Variants in DOCK2 observed in about 807,000 individuals in gnomAD.
DOCK2 encodes the protein dedicator of cytokinesis protein 2.
Under a neutral mutation model 248.9 loss-of-function variants are expected in DOCK2, and 87 were observed. The observed-to-expected ratio is 0.35, with a 90% CI of 0.29 to 0.42. The LOEUF (loss-of-function observed/expected upper bound fraction) is 0.42, where lower values mean the gene tolerates loss of function less well. Among genes scored for constraint, DOCK2 ranks in the 10% least tolerant of loss-of-function variants. The pLI is 1.00. For synonymous variants in DOCK2, 805 were observed against 821.6 expected (o/e 0.98, Z 0.35); for missense variants, 1,747 against 2,300.2 (o/e 0.76, Z 4.92).
intron 25 of DOCK2, among the ~76,000 whole-genome samples, chr5:169,761,836 A>G (rs1581153796): frequency 6.6e-6 from 1 of 152,194 alleles, no homozygotes; most frequent in East Asian, 1.9e-4. Flanking sequence ...CTGAGGTTGC[A>G]TTGTTTATTT....
At chr5:169,748,971 C>T (rs264885) in intron 23 of DOCK2, among the ~76,000 whole-genome samples, 49,062 of 152,094 alleles carry the variant, frequency 0.32, 11,408 homozygotes, top group African/African-American at 0.64. Flanking sequence ...AGGCTACATG[C>T]CCACATCTCT....
chr5:169,904,396 A>G lies in DOCK2; in HGVS notation c.2799+63544A>G, dbSNP rs74883797. On this transcript the variant is annotated intron_variant, in intron 27 of 51. Coordinates refer to ENST00000520908, the MANE Select transcript of DOCK2 (RefSeq NM_004946.3). ...GCAACTTGTTCTCTCTAAATCACCT[A>G]CCTGTCTATGGAATTTCTACCAGTG... is the stretch of plus-strand genomic sequence containing the variant. Among the ~76,000 whole-genome samples the G allele has an allele frequency of 5.0e-4, 76 of 152,218 alleles. 1 individual carries two copies. The East Asian group carries it at 0.015, about 29-fold the overall frequency.
At chr5:169,643,782 A>G (rs1757290248) in intron 1 of DOCK2, among the ~76,000 whole-genome samples, 1 of 152,222 alleles carries the variant, frequency 6.6e-6, no homozygotes, top group African/African-American at 2.4e-5. Context: ...ATAGGTGGAC[A>G]GTATGACGTG....
intron 27 of DOCK2, among the ~76,000 whole-genome samples, chr5:169,850,578 A>G (rs1770570311): frequency 6.6e-6 from 1 of 152,186 alleles, no homozygotes; most frequent in African/African-American, 2.4e-5. Context: ...ACTTGAAATG[A>G]CAGTTTGTAG....
At chr5:169,942,873 G>T (rs1776297319) in intron 27 of DOCK2, among the ~76,000 whole-genome samples, 1 of 152,194 alleles carries the variant, frequency 6.6e-6, no homozygotes, top group South Asian at 2.1e-4. Context: ...GCTCGCCTCT[G>T]AACTCAGATT....
At chr5:169,837,079 C>T (rs1168275736) in intron 26 of DOCK2, among the ~76,000 whole-genome samples, 1 of 152,136 alleles carries the variant, frequency 6.6e-6, no homozygotes, top group Non-Finnish European at 1.5e-5. Context: ...CCACTCCCAG[C>T]TCACCTTCTG....
chr5:169,653,014 G>A (rs1581387611), intron 1 of DOCK2, among the ~76,000 whole-genome samples: 1 of 152,202 alleles, frequency 6.6e-6, no homozygotes, highest in East Asian at 1.9e-4. Context: ...AAGAGCATGG[G>A]CCTGTACTCC....
intron 27 of DOCK2, among the ~76,000 whole-genome samples, chr5:169,926,632 T>C (rs1462499935): frequency 6.6e-6 from 1 of 152,180 alleles, no homozygotes; most frequent in African/African-American, 2.4e-5. Context: ...TGCATTAGAA[T>C]GCATTATGCC....
intron 25 of DOCK2, among the ~76,000 whole-genome samples, chr5:169,773,423 A>C (rs535795949): frequency 2.0e-5 from 3 of 151,000 alleles, no homozygotes; most frequent in African/African-American, 7.3e-5. Flanking sequence ...CTTTAATAGC[A>C]ATGTAAATAA....
intron 26 of DOCK2, among the ~76,000 whole-genome samples, chr5:169,827,868 A>G (rs1228233228): frequency 2.4e-5 from 2 of 84,860 alleles, no homozygotes; most frequent in Non-Finnish European, 4.4e-5. Flanking sequence ...AACATTAAAA[A>G]CACACACACA....
chr5:169,882,773 T>A (rs1772732667), intron 27 of DOCK2: 1 of 1,551,744 alleles, frequency 6.4e-7, no homozygotes, highest in Non-Finnish European at 8.7e-7. Flanking sequence ...AGATGATTAC[T>A]TCCTGGACAA....
rs146431338 is a variant in DOCK2 at position 169,942,725 on chromosome 5, T to C, written c.2800-40343T>C. ...AGGACACAGCTCCTGCCCTCCACAT[T>C]GGTCGGAGAGACCACGAGGGTTCAG... On this transcript the variant is annotated intron_variant, in intron 27 of 51. Coordinates refer to ENST00000520908, the MANE Select transcript of DOCK2 (RefSeq NM_004946.3). 3.5e-3 allele frequency among the ~76,000 whole-genome samples: 530 copies of C among 152,216 alleles called. 5 individuals carry two copies. The South Asian group carries it at 0.043, about 12-fold the overall frequency.
At chr5:169,700,564 T>C (rs1390673876) in intron 13 of DOCK2, among the ~76,000 whole-genome samples, 2 of 152,114 alleles carry the variant, frequency 1.3e-5, no homozygotes, top group African/African-American at 4.8e-5. Flanking sequence ...GAATTTGTGT[T>C]CATTGTAAAA....
At chr5:169,640,026 T>C (rs886227587) in intron 1 of DOCK2, among the ~76,000 whole-genome samples, 1 of 152,266 alleles carries the variant, frequency 6.6e-6, no homozygotes, top group Non-Finnish European at 1.5e-5. Flanking sequence ...GCCTCTTCAT[T>C]GCTTTCTGTG....
At chr5:170,014,206 C>A (rs757895207) in intron 32 of DOCK2, among the ~76,000 whole-genome samples, 4 of 152,118 alleles carry the variant, frequency 2.6e-5, no homozygotes, top group Non-Finnish European at 5.9e-5. Flanking sequence ...GAGTGGCCAT[C>A]CGTCTATTTG....
intron 26 of DOCK2, among the ~76,000 whole-genome samples, chr5:169,806,920 G>A (rs1225415370): frequency 3.9e-5 from 5 of 126,828 alleles, no homozygotes; most frequent in South Asian, 2.5e-4. Flanking sequence ...ATTATTCTCC[G>A]CCCTCCTCAC....
chr5:169,927,102 G>A (rs570326622), intron 27 of DOCK2, among the ~76,000 whole-genome samples: 1 of 152,332 alleles, frequency 6.6e-6, no homozygotes, highest in Admixed American at 6.5e-5. Context: ...AGTGGGAAGA[G>A]CAAAAGAGCA....
At chr5:169,733,291 T>C (rs1273910816) in intron 22 of DOCK2, among the ~76,000 whole-genome samples, 1 of 152,036 alleles carries the variant, frequency 6.6e-6, no homozygotes, top group Non-Finnish European at 1.5e-5. Context: ...AGTCTAAAGT[T>C]ACATTTTTAA....
At chr5:169,699,818 C>T (rs77344662) in intron 12 of DOCK2, among the ~76,000 whole-genome samples, 196 bp from the exon 13 acceptor site, 25 of 152,308 alleles carry the variant, frequency 1.6e-4, no homozygotes, top group African/African-American at 4.1e-4. Flanking sequence ...AGGCTGACAC[C>T]GCTAGAAATC....
Sources: allele counts gnomAD v4.1 joint callset (sites outside exome capture counted in the v4.1 genomes callset), GRCh38; gene constraint gnomAD v4.1.1; transcripts MANE v1.5; gene names NCBI Gene and HGNC (gene_info 2026-07-23, HGNC 2026-07-21).